GRIN2B: variants seen among roughly 807,000 people sequenced by gnomAD.
The protein encoded by GRIN2B is glutamate ionotropic receptor NMDA type subunit 2B, also known as glutamate receptor ionotropic, NMDA 2B.
Under a neutral mutation model 114.5 loss-of-function variants are expected in GRIN2B, and 5 were observed. That is an observed-to-expected ratio of 0.04 (90% CI 0.02 to 0.09). The LOEUF (loss-of-function observed/expected upper bound fraction) is 0.09, where lower values mean the gene tolerates loss of function less well. Ranked by LOEUF, GRIN2B falls within the 10% of genes least tolerant of loss-of-function variation. The pLI, the probability that GRIN2B is intolerant of heterozygous loss-of-function variation, is 1.00. For synonymous variants in GRIN2B, 787 were observed against 745.1 expected (o/e 1.06, Z -0.92); for missense variants, 1,108 against 1,943.5 (o/e 0.57, Z 8.08).
chr12:13,916,223 T>C (rs1866717832), intron 2 of GRIN2B, among the ~76,000 whole-genome samples: 1 of 152,196 alleles, frequency 6.6e-6, no homozygotes, highest in East Asian at 1.9e-4. Context: ...TACTTAACAA[T>C]ATTTTTTGCA....
At chr12:13,724,546 G>GA (rs573916762) in intron 4 of GRIN2B, among the ~76,000 whole-genome samples, 263 of 152,158 alleles carry the variant, frequency 1.7e-3, no homozygotes, top group African/African-American at 5.9e-3. Flanking sequence ...GCAAAATATT[G>GA]AAAAAGAGAT....
At chr12:13,975,193 A>T (rs1456077673) in intron 2 of GRIN2B, among the ~76,000 whole-genome samples, 1 of 152,240 alleles carries the variant, frequency 6.6e-6, no homozygotes, top group Non-Finnish European at 1.5e-5. Flanking sequence ...GTCTGTAATT[A>T]AAAGCAGGGA....
chr12:13,603,181 T>G (rs1949186930), intron 10 of GRIN2B, among the ~76,000 whole-genome samples: 1 of 152,218 alleles, frequency 6.6e-6, no homozygotes, highest in Non-Finnish European at 1.5e-5. Flanking sequence ...AAATCACCAT[T>G]CTTCTCTATT....
intron 4 of GRIN2B, among the ~76,000 whole-genome samples, chr12:13,732,158 CTTT>C (rs142353893): frequency 6.9e-6 from 1 of 145,094 alleles, no homozygotes. Context: ...CATTACCACA[CTTT>C]TTTTTTTTTT....
chr12:13,579,233 G>A (rs1319465867), intron 10 of GRIN2B, among the ~76,000 whole-genome samples: 4 of 152,210 alleles, frequency 2.6e-5, no homozygotes, highest in Non-Finnish European at 4.4e-5. Flanking sequence ...GTGACAGGAG[G>A]TTGACACAGC....
intron 10 of GRIN2B, 142 bp from the exon 11 acceptor site, chr12:13,572,106 C>T (rs143006091): frequency 1.9e-4 from 134 of 702,142 alleles, no homozygotes; most frequent in African/African-American, 1.5e-3. Flanking sequence ...TATAATTCAC[C>T]GAATACATTA....
At chr12:13,963,538 A>G (rs899926384) in intron 2 of GRIN2B, among the ~76,000 whole-genome samples, 1 of 152,230 alleles carries the variant, frequency 6.6e-6, no homozygotes, top group African/African-American at 2.4e-5. Context: ...CAAGAGAGGC[A>G]GAGAGCTCAG....
rs1948524719 is a variant in GRIN2B at position 13,560,266 on chromosome 12, T to G, written c.*2517A>C. 6.6e-6 allele frequency: 1 copy of G among 152,068 alleles called. No homozygotes were observed. Among genetic ancestry groups the G allele is most frequent in the African/African-American group, 2.4e-5 (1 of 41,392 alleles). 9.4% of individuals were successfully genotyped at this position (152,068 alleles called of 1,614,324 possible). A position where few individuals can be genotyped will look rare whatever the true frequency, so the allele number is the denominator to read the frequency against. ...GAAGCAAAAAAGCCATACAAAACAA[T>G]TCCCCCAATGGGAAATGAAAACCCA... On this transcript the variant is annotated 3_prime_UTR_variant, in exon 14 of 14. Coordinates refer to ENST00000609686, the MANE Select transcript of GRIN2B (RefSeq NM_000834.5).
At chr12:13,654,744 G>GTATT (rs1353727527) in intron 5 of GRIN2B, among the ~76,000 whole-genome samples, 3 of 152,190 alleles carry the variant, frequency 2.0e-5, no homozygotes, top group Admixed American at 1.3e-4. Context: ...TTCTCAGGTG[G>GTATT]TATTGTCCAG....
intron 3 of GRIN2B, among the ~76,000 whole-genome samples, chr12:13,799,288 C>G (rs4140764): frequency 0.24 from 36,677 of 152,156 alleles, 4,794 homozygotes; most frequent in Middle Eastern, 0.32. Flanking sequence ...TTCTGCCTCT[C>G]AGAGTGGCAA....
chr12:13,847,792 G>A (rs11055643), intron 3 of GRIN2B, among the ~76,000 whole-genome samples: 17,111 of 152,176 alleles, frequency 0.11, 1,174 homozygotes, highest in South Asian at 0.17. Context: ...GAGTCCATGA[G>A]GGCAGGGAAA....
intron 2 of GRIN2B, among the ~76,000 whole-genome samples, chr12:13,936,505 C>G (rs569578034): frequency 6.6e-6 from 1 of 152,238 alleles, no homozygotes; most frequent in South Asian, 2.1e-4. Context: ...ATGAGTTTTC[C>G]ACAGATATGT....
chr12:13,735,659 G>C (rs1490168292), intron 4 of GRIN2B, among the ~76,000 whole-genome samples: 1 of 152,170 alleles, frequency 6.6e-6, no homozygotes, highest in Admixed American at 6.5e-5. Context: ...GGCCCAACAG[G>C]GCTCTGCTCA....
rs73307998 is a variant in GRIN2B, at chr12:13,893,956, A to G, written c.-18-27730T>C. Among the ~76,000 whole-genome samples, 1,069 of 152,226 alleles carry G rather than the reference A, an allele frequency of 7.0e-3. 19 individuals carry two copies. Among genetic ancestry groups the G allele is most frequent in the African/African-American group, 0.024 (1,007 of 41,556 alleles). ...GAAAATTCACAAAAGAGAAACCACA[A>G]TGAAGAAACCTGGAAAATTGTCCGA... On this transcript the variant is annotated intron_variant, in intron 2 of 13. Coordinates refer to ENST00000609686, the MANE Select transcript of GRIN2B (RefSeq NM_000834.5).
intron 10 of GRIN2B, among the ~76,000 whole-genome samples, chr12:13,580,750 T>G (rs1341881025): frequency 6.6e-6 from 1 of 152,230 alleles, no homozygotes; most frequent in Non-Finnish European, 1.5e-5. Context: ...TAACCAGGTA[T>G]GGAATCTTGC....
At position 13,545,084 on chromosome 12, in the gene GRIN2B, T is replaced by C. The variant is rs1375071978; in HGVS notation, c.*17699A>G. Reference sequence around the variant, plus strand: ...CCTCTCATACTCTCCTCCTCCCTCATTGGCCTCCCGGCTCTTCCTCAAGTT... The same window carrying C: ...CCTCTCATACTCTCCTCCTCCCTCACTGGCCTCCCGGCTCTTCCTCAAGTT... On this transcript the variant is annotated 3_prime_UTR_variant, in exon 14 of 14. Coordinates refer to ENST00000609686, the MANE Select transcript of GRIN2B (RefSeq NM_000834.5). The C allele has an allele frequency of 1.3e-5, 2 of 152,406 alleles. No homozygotes were observed. Among genetic ancestry groups the C allele is most frequent in the East Asian group, 1.9e-4 (1 of 5,192 alleles). The allele number at this position is 152,406 out of a possible 1,614,324, so 9.4% of individuals were successfully genotyped here.
At chr12:13,917,538 A>G (rs1866754577) in intron 2 of GRIN2B, among the ~76,000 whole-genome samples, 2 of 152,210 alleles carry the variant, frequency 1.3e-5, no homozygotes, top group Admixed American at 6.5e-5. Flanking sequence ...GTGACGCACA[A>G]GAAGGAAAAA....
At chr12:13,707,111 A>C (rs1423548014) in intron 4 of GRIN2B, among the ~76,000 whole-genome samples, 1 of 152,160 alleles carries the variant, frequency 6.6e-6, no homozygotes, top group African/African-American at 2.4e-5. Context: ...TCGTAATTAA[A>C]GTGAAAATCT....
At chr12:13,953,822 C>G (rs999842009) in intron 2 of GRIN2B, among the ~76,000 whole-genome samples, 3 of 152,134 alleles carry the variant, frequency 2.0e-5, no homozygotes, top group African/African-American at 7.2e-5. Flanking sequence ...TTGGCCATGC[C>G]CCATTTAGCT....
Sources: gnomAD v4.1 joint callset for allele counts (sites outside exome capture counted in the v4.1 genomes callset) on GRCh38, gnomAD v4.1.1 for gene constraint, MANE v1.5 for transcripts, NCBI Gene and HGNC (gene_info 2026-07-23, HGNC 2026-07-21) for gene names.